NRXN3: variants seen among roughly 807,000 people sequenced by gnomAD.
NRXN3 encodes neurexin III.
A neutral mutation model predicts 137.6 loss-of-function variants in NRXN3; 32 were observed. The observed-to-expected ratio is 0.23, with a 90% CI of 0.18 to 0.31. NRXN3 has a LOEUF of 0.31. NRXN3 is among the 10% of genes least tolerant of loss of function. The pLI, the probability that NRXN3 is intolerant of heterozygous loss-of-function variation, is 1.00. For missense variants in NRXN3, 1,574 were observed against 2,062.5 expected (o/e 0.76, Z 4.59); for synonymous variants, 798 against 784.5 (o/e 1.02, Z -0.29).
At chr14:79,565,362 C>G (rs139282356) in intron 16 of NRXN3, among the ~76,000 whole-genome samples, 1 of 148,070 alleles carries the variant, frequency 6.8e-6, no homozygotes, top group Non-Finnish European at 1.5e-5. Flanking sequence ...TATGTATACA[C>G]ACACACATAT....
chr14:79,055,308 C>T (rs1002749647), intron 15 of NRXN3, among the ~76,000 whole-genome samples: 1 of 152,144 alleles, frequency 6.6e-6, no homozygotes, highest in Non-Finnish European at 1.5e-5. Context: ...CAGGATTGGG[C>T]AAGTGGCAGT....
chr14:78,225,334 A>G (rs1443737048), intron 1 of NRXN3, among the ~76,000 whole-genome samples: 3 of 152,008 alleles, frequency 2.0e-5, no homozygotes, highest in African/African-American at 7.3e-5. Flanking sequence ...TTTGATTTGC[A>G]TTTCTCTGAT....
At chr14:79,639,684 T>G (rs1374115908) in intron 16 of NRXN3, among the ~76,000 whole-genome samples, 1 of 152,212 alleles carries the variant, frequency 6.6e-6, no homozygotes, top group Non-Finnish European at 1.5e-5. Context: ...GCCAACCTCT[T>G]GAATCAAATT....
chr14:78,564,301 G>A (rs911870050), intron 4 of NRXN3, among the ~76,000 whole-genome samples: 1 of 152,150 alleles, frequency 6.6e-6, no homozygotes, highest in African/African-American at 2.4e-5. Context: ...CAGTGTGAAG[G>A]TTATAGTGTT....
chr14:79,800,908 T>G (rs910787038), intron 19 of NRXN3, among the ~76,000 whole-genome samples: 2 of 152,212 alleles, frequency 1.3e-5, no homozygotes, highest in Non-Finnish European at 2.9e-5. Context: ...TGTTTGGATT[T>G]TCTAGATGTT....
chr14:78,469,796 C>A (rs1293162047), intron 4 of NRXN3, among the ~76,000 whole-genome samples: 1 of 152,212 alleles, frequency 6.6e-6, no homozygotes, highest in African/African-American at 2.4e-5. Context: ...AAAAATACAA[C>A]TTCCACCATT....
chr14:79,354,033 G>A (rs1335925793), intron 15 of NRXN3, among the ~76,000 whole-genome samples: 2 of 152,084 alleles, frequency 1.3e-5, no homozygotes, highest in African/African-American at 2.4e-5. Flanking sequence ...CAACACTCAG[G>A]CTGATTAAAT....
At chr14:78,942,871 C>A (rs999496528) in intron 10 of NRXN3, among the ~76,000 whole-genome samples, 1 of 151,818 alleles carries the variant, frequency 6.6e-6, no homozygotes, top group South Asian at 2.1e-4. Flanking sequence ...TCACTATGTA[C>A]CCTGTAAAAA....
intron 15 of NRXN3, among the ~76,000 whole-genome samples, chr14:79,029,039 C>CAAGGAAGAAAGCAAGG (rs1325886779): frequency 6.2e-5 from 9 of 145,306 alleles, no homozygotes; most frequent in African/African-American, 2.1e-4. Context: ...TAAAAGAAGG[C>CAAGGAAGAAAGCAAGG]AAGGAAGAAA....
intron 15 of NRXN3, among the ~76,000 whole-genome samples, chr14:79,459,366 A>G (rs2096296937): frequency 6.6e-6 from 1 of 151,964 alleles, no homozygotes; most frequent in South Asian, 2.1e-4. Flanking sequence ...TTTATTTTTC[A>G]GTTTCAGAGG....
chr14:78,293,520 A>G (rs1194879937), intron 3 of NRXN3, among the ~76,000 whole-genome samples: 3 of 151,972 alleles, frequency 2.0e-5, no homozygotes, highest in Admixed American at 2.0e-4. Flanking sequence ...CCACTCTCCT[A>G]AAGGATCTCA....
At chr14:78,879,131 C>A (rs1353765051) in intron 10 of NRXN3, among the ~76,000 whole-genome samples, 3 of 152,128 alleles carry the variant, frequency 2.0e-5, no homozygotes, top group Non-Finnish European at 4.4e-5. Context: ...TAGGTTGATT[C>A]CGTATGTTTA....
chr14:78,337,051 G>C (rs1238630508), intron 4 of NRXN3, among the ~76,000 whole-genome samples: 1 of 151,892 alleles, frequency 6.6e-6, no homozygotes, highest in African/African-American at 2.4e-5. Context: ...TATTTTTTTT[G>C]TATTTTCTAG....
chr14:79,601,824 T>A (rs2097925315), intron 16 of NRXN3, among the ~76,000 whole-genome samples: 1 of 152,186 alleles, frequency 6.6e-6, no homozygotes, highest in South Asian at 2.1e-4. Flanking sequence ...CAGGCAAGAC[T>A]GACACTAATT....
intron 16 of NRXN3, among the ~76,000 whole-genome samples, chr14:79,526,035 C>T (rs763260152): frequency 2.6e-4 from 39 of 152,074 alleles, no homozygotes; most frequent in Admixed American, 7.2e-4. Flanking sequence ...GCACATGCCA[C>T]CATACCCACC....
chr14:79,389,632 A>G (rs943451506), intron 15 of NRXN3, among the ~76,000 whole-genome samples: 6 of 152,258 alleles, frequency 3.9e-5, no homozygotes, highest in Non-Finnish European at 8.8e-5. Context: ...GCTTCATGCA[A>G]TAAGGACTTA....
chr14:79,424,027 A>G (rs1012506455), intron 15 of NRXN3, among the ~76,000 whole-genome samples: 2 of 152,242 alleles, frequency 1.3e-5, no homozygotes, highest in African/African-American at 4.8e-5. Context: ...TGAAGTTGAC[A>G]TAAGATCTCC....
At chr14:78,996,840 A>G (rs2099531214) in intron 15 of NRXN3, among the ~76,000 whole-genome samples, 1 of 152,080 alleles carries the variant, frequency 6.6e-6, no homozygotes, top group South Asian at 2.1e-4. Context: ...ATCTGTTTTT[A>G]TTCTCGGGCC....
At chr14:78,924,611 G>T (rs992477560) in intron 10 of NRXN3, among the ~76,000 whole-genome samples, 18 of 152,090 alleles carry the variant, frequency 1.2e-4, no homozygotes, top group Non-Finnish European at 2.4e-4. Context: ...TCTCCTTGAT[G>T]ATAACAAACC....
Sources: gnomAD v4.1 joint callset for allele counts (sites outside exome capture counted in the v4.1 genomes callset) on GRCh38, gnomAD v4.1.1 for gene constraint, MANE v1.5 for transcripts, NCBI Gene and HGNC (gene_info 2026-07-23, HGNC 2026-07-21) for gene names.